Variants in LINGO2 observed in about 807,000 individuals in gnomAD.
LINGO2 encodes leucine rich repeat and Ig domain containing 2.
In LINGO2, 14 loss-of-function variants were observed where a neutral mutation model predicts 30.6. The ratio of observed to expected loss-of-function variants is 0.46; its 90% CI spans 0.30 to 0.72. The LOEUF is 0.72. Ranked by LOEUF, LINGO2 falls within the 30% of genes least tolerant of loss-of-function variation. The pLI, the probability that LINGO2 is intolerant of heterozygous loss-of-function variation, is 0.07. For missense variants in LINGO2, 729 were observed against 751.7 expected, an observed-to-expected ratio of 0.97 and a Z score of 0.35; for synonymous variants, 317 against 288.5, an observed-to-expected ratio of 1.10 and a Z score of -1.00.
chr9:28,967,756 G>A, the LINGO2 span, among the ~76,000 whole-genome samples: 1 of 152,248 alleles, frequency 6.6e-6, no homozygotes, highest in East Asian at 1.9e-4. Context: ...GACAGGAAGG[G>A]AACAGGTGTT....
At chr9:28,622,120 A>G (rs1385253037) in intron 1 of LINGO2, among the ~76,000 whole-genome samples, 1 of 152,064 alleles carries the variant, frequency 6.6e-6, no homozygotes, top group Non-Finnish European at 1.5e-5. Flanking sequence ...ATAGCAAATG[A>G]GGTATCCATC....
At chr9:28,193,735 C>T (rs10968375) in intron 4 of LINGO2, among the ~76,000 whole-genome samples, 17,265 of 152,150 alleles carry the variant, frequency 0.11, 1,105 homozygotes, top group East Asian at 0.2. Flanking sequence ...GGGTCACAAA[C>T]TGAGAAAGAA....
At chr9:28,253,911 G>C (rs1822293965) in intron 4 of LINGO2, among the ~76,000 whole-genome samples, 1 of 152,108 alleles carries the variant, frequency 6.6e-6, no homozygotes, top group Admixed American at 6.6e-5. Context: ...GCGGGGAAGA[G>C]CCTGGCCCTT....
chr9:28,456,350 T>G (rs551640567), intron 2 of LINGO2, among the ~76,000 whole-genome samples: 1 of 152,314 alleles, frequency 6.6e-6, no homozygotes, highest in South Asian at 2.1e-4. Context: ...TATACTGGAT[T>G]GACTCATTTA....
intron 1 of LINGO2, among the ~76,000 whole-genome samples, chr9:28,496,408 T>A (rs1169790639): frequency 6.6e-6 from 1 of 151,710 alleles, no homozygotes; most frequent in Non-Finnish European, 1.5e-5. Context: ...CCTTTACCAT[T>A]ATGTAATGGC....
the LINGO2 span, among the ~76,000 whole-genome samples, chr9:28,987,431 CTA>C: frequency 1.3e-5 from 2 of 152,028 alleles, no homozygotes; most frequent in East Asian, 3.9e-4. Flanking sequence ...TGAATCTTCT[CTA>C]TTTTTTCACA....
chr9:28,621,232 T>C (rs952277518), intron 1 of LINGO2, among the ~76,000 whole-genome samples: 2 of 152,042 alleles, frequency 1.3e-5, no homozygotes, highest in Non-Finnish European at 2.9e-5. Flanking sequence ...ATATATAATG[T>C]GTTAATGATG....
chr9:28,459,295 C>T (rs1824981419), intron 2 of LINGO2, among the ~76,000 whole-genome samples: 1 of 151,292 alleles, frequency 6.6e-6, no homozygotes, highest in Non-Finnish European at 1.5e-5. Context: ...TATGCACATG[C>T]TACTATTTTC....
the LINGO2 span, among the ~76,000 whole-genome samples, chr9:29,002,384 CACAT>C: frequency 2.6e-5 from 4 of 151,976 alleles, no homozygotes; most frequent in African/African-American, 9.7e-5. Context: ...ATATGAATAG[CACAT>C]ACACAGATCT....
At chr9:29,109,697 T>C in the LINGO2 span, among the ~76,000 whole-genome samples, 1 of 152,246 alleles carries the variant, frequency 6.6e-6, no homozygotes, top group Non-Finnish European at 1.5e-5. Context: ...ATATACCATC[T>C]TCATTTCGTA....
At chr9:28,830,284 G>C in the LINGO2 span, among the ~76,000 whole-genome samples, 1 of 152,150 alleles carries the variant, frequency 6.6e-6, no homozygotes, top group Non-Finnish European at 1.5e-5. Flanking sequence ...CCGGCAATGA[G>C]GACAGTCATA....
chr9:28,139,062 T>C (rs967959836), intron 4 of LINGO2, among the ~76,000 whole-genome samples: 1 of 152,234 alleles, frequency 6.6e-6, no homozygotes, highest in Admixed American at 6.5e-5. Flanking sequence ...GAAGCTATTT[T>C]TCAGGTTAGT....
chr9:28,280,882 C>T (rs904954158), intron 4 of LINGO2, among the ~76,000 whole-genome samples: 4 of 152,100 alleles, frequency 2.6e-5, no homozygotes, highest in Admixed American at 2.0e-4. Context: ...AGTCAGACTT[C>T]GAATTGACTA....
the LINGO2 span, among the ~76,000 whole-genome samples, chr9:29,057,033 T>C: frequency 2.0e-5 from 3 of 152,276 alleles, no homozygotes; most frequent in East Asian, 5.8e-4. Context: ...TCCAGATCTG[T>C]TCTATTTGTT....
At chr9:28,119,080 A>G (rs1471378191) in intron 4 of LINGO2, among the ~76,000 whole-genome samples, 1 of 152,216 alleles carries the variant, frequency 6.6e-6, no homozygotes, top group Non-Finnish European at 1.5e-5. Flanking sequence ...TTTTTAAAAA[A>G]GAAGCTCACT....
At chr9:28,131,690 G>A (rs912016699) in intron 4 of LINGO2, among the ~76,000 whole-genome samples, 1 of 152,078 alleles carries the variant, frequency 6.6e-6, no homozygotes, top group Admixed American at 6.6e-5. Context: ...CCAGGTAGAA[G>A]CCCTTAATAC....
the LINGO2 span, among the ~76,000 whole-genome samples, chr9:28,741,746 G>C: frequency 6.6e-6 from 1 of 151,856 alleles, no homozygotes; most frequent in African/African-American, 2.4e-5. Context: ...GCAAGGGCTG[G>C]CCTGATCCTG....
the LINGO2 span, among the ~76,000 whole-genome samples, chr9:29,134,123 A>C: frequency 6.6e-6 from 1 of 152,162 alleles, no homozygotes; most frequent in African/African-American, 2.4e-5. Context: ...TAATCTAAGA[A>C]CTAACAATTC....
intron 4 of LINGO2, among the ~76,000 whole-genome samples, chr9:28,221,564 T>A (rs1208296036): frequency 1.3e-5 from 2 of 152,160 alleles, no homozygotes; most frequent in Non-Finnish European, 2.9e-5. Context: ...CAGGCAAGTT[T>A]AGAAATTACT....
Sources: allele counts gnomAD v4.1 joint callset (sites outside exome capture counted in the v4.1 genomes callset), GRCh38; gene constraint gnomAD v4.1.1; transcripts MANE v1.5; gene names NCBI Gene and HGNC (gene_info 2026-07-23, HGNC 2026-07-21).